Variants in VGF observed in about 807,000 individuals in gnomAD.
VGF encodes the protein VGF nerve growth factor inducible.
Under a neutral mutation model 41.1 loss-of-function variants are expected in VGF, and 13 were observed. The observed-to-expected ratio is 0.32, with a 90% CI of 0.21 to 0.50. VGF has a LOEUF of 0.50. VGF is among the 20% of genes least tolerant of loss of function. The pLI, the probability that VGF is intolerant of heterozygous loss-of-function variation, is 0.98. For synonymous variants in VGF, 473 were observed against 418.3 expected, an observed-to-expected ratio of 1.13 and a Z score of -1.60; for missense variants, 920 against 882.1, an observed-to-expected ratio of 1.04 and a Z score of -0.54.
Position 101,163,322 on chromosome 7 carries a change from G to T in VGF, c.1522C>A (p.Pro508Thr). Residue 508 changes from proline (P) to threonine (T), a missense_variant, in exon 2 of 2, where the codon CCC becomes ACC. Physicochemically the swap from Pro to Thr is conservative, Grantham distance 38 (BLOSUM62 -1). Transcript: ENST00000249330. This position sits in a 1 kb window ranked among gnomAD's most constrained non-coding sequence, Gnocchi z 5.0. ...PAPTHVRSPQ[P>T]PPPAPAPARD... ...GCGGGAGCGGGGGCGGGGGGCGGGG[G>T]CTGCGGGGAGCGGACGTGGGTGGGG... is the stretch of plus-strand genomic sequence containing the variant. 1 of 1,425,982 alleles carries T rather than the reference G, an allele frequency of 7.0e-7. No homozygotes were observed. Among genetic ancestry groups the T allele is most frequent in the Non-Finnish European group, 9.2e-7 (1 of 1,086,322 alleles). 88.3% of individuals were successfully genotyped at this position (1,425,982 alleles called of 1,614,324 possible).
At position 101,163,599 on chromosome 7, in the gene VGF, G is replaced by C. The variant is rs1470407048; in HGVS notation, c.1245C>G (p.Ala415=). 11 of 1,558,302 alleles carry C rather than the reference G, an allele frequency of 7.1e-6. No homozygotes were observed. The highest frequency in any genetic ancestry group is 9.5e-6 in the Non-Finnish European group (11 of 1,153,336). The stretch of plus-strand genomic sequence containing the variant: ...TCTCCTCCTGGGAGCGCTTGTCCTC[G>C]GCGCCGGCTTCCCCGTCCTCCTCCT... ...FAEEEDGEAG[A]EDKRSQEETP... Residue 415 remains alanine, a synonymous_variant, in exon 2 of 2, where the codon GCC becomes GCG. Transcript: ENST00000249330. This position sits in a 1 kb window ranked among gnomAD's most constrained non-coding sequence, Gnocchi z 5.0.
At position 101,163,674 on chromosome 7, in the gene VGF, TGCCTCCGCCTCG is replaced by T. The variant is rs1160421998; in HGVS notation, c.1158_1169del (p.Ala390_Glu393del). 9.8e-6 allele frequency: 15 copies of T among 1,537,842 alleles called. No individual in the cohort carries two copies. The highest frequency in any genetic ancestry group is 1.4e-5 in the African/African-American group (1 of 72,760). ...GCGCCCTCTCCGCCTCCTCCGCCTCTGCCTCCGCCTCGGCCGCCTCCTCATCCTCTTCCCCCA... is the reference window on the plus strand; with the variant it reads ...GCGCCCTCTCCGCCTCCTCCGCCTCTGCCGCCTCCTCATCCTCTTCCCCCA... On this transcript the variant is annotated inframe_deletion, in exon 2 of 2. Transcript: ENST00000249330. This position sits in a 1 kb window ranked among gnomAD's most constrained non-coding sequence, Gnocchi z 5.0.
intron 1 of VGF, 98 bp from the exon 2 acceptor site, chr7:101,164,961 G>A: frequency 2.1e-6 from 3 of 1,420,248 alleles, no homozygotes; most frequent in Non-Finnish European, 9.2e-7. Flanking sequence ...GAAACCCGGG[G>A]CTTCCCTGAT....
upstream of VGF, among the ~76,000 whole-genome samples, chr7:101,166,914 TGGGCAGGGAAGGG>T (rs1797229565): frequency 2.2e-5 from 1 of 45,416 alleles, no homozygotes; most frequent in Non-Finnish European, 4.4e-5. Flanking sequence ...TGCGGGGGCG[TGGGCAGGGAAGGG>T]GGGAATGACA....
rs928793428 is a variant in VGF at position 101,162,807 on chromosome 7, G to A, written c.*189C>T. 2 of 656,558 alleles carry A rather than the reference G, an allele frequency of 3.0e-6. No homozygotes were observed. The highest frequency in any genetic ancestry group is 5.6e-6 in the Non-Finnish European group (2 of 356,788). 40.7% of individuals were successfully genotyped at this position (656,558 alleles called of 1,614,324 possible). Reference sequence around the variant, plus strand: ...CTGGCCCCCGGTCACCCGCGGGTGAGCTCTGGGAGTTCGGGCTCAGGACCC... The same window carrying A: ...CTGGCCCCCGGTCACCCGCGGGTGAACTCTGGGAGTTCGGGCTCAGGACCC... On this transcript the variant is annotated 3_prime_UTR_variant, in exon 2 of 2. Coordinates refer to ENST00000249330, the MANE Select transcript of VGF (RefSeq NM_003378.4). The surrounding 1 kb of genome is among the most constrained non-coding windows in gnomAD (Gnocchi z 4.2).
chr7:101,164,981 C>T (rs1797195270), intron 1 of VGF, 118 bp from the exon 2 acceptor site: 1 of 1,397,890 alleles, frequency 7.2e-7, no homozygotes, highest in Non-Finnish European at 9.3e-7. Context: ...TCCCCCAAAC[C>T]TTACCCAGAA....
At chr7:101,165,701 C>G, upstream of VGF, 1 of 975,134 alleles carries the variant, frequency 1.0e-6, no homozygotes, top group Non-Finnish European at 1.2e-6. Flanking sequence ...GGACGCCCGA[C>G]GATTGGAGGG....
chr7:101,164,409 A>G lies in VGF; in HGVS notation c.435T>C (p.Asn145=), dbSNP rs199908448. 190 of 1,610,154 alleles carry G rather than the reference A, an allele frequency of 1.2e-4. No homozygotes were observed. Among genetic ancestry groups the G allele is most frequent in the Non-Finnish European group, 1.6e-4 (184 of 1,179,562 alleles). Residue 145 remains asparagine (N), a synonymous_variant, in exon 2 of 2, where the codon AAT becomes AAC. Coordinates refer to ENST00000249330, the MANE Select transcript of VGF (RefSeq NM_003378.4). ...CGGAGGGATCGCTCGCCTCGGGCCC[A>G]TTCTCCGGAGTCTGAGGGCGAGGCG... ...AAPPRPQTPE[N]GPEASDPSEE... is the part of the protein sequence containing the mutation.
rs759942748 is a variant in VGF at position 101,163,446 on chromosome 7, C to T, written c.1398G>A (p.Ala466=). 12 of 1,612,628 alleles carry T rather than the reference C, an allele frequency of 7.4e-6. No individual in the cohort carries two copies. Among genetic ancestry groups the T allele is most frequent in the African/African-American group, 6.7e-5 (5 of 74,892 alleles). ...IELSTKLHLP[A]DDVVSIIEEV... ...CCTCGATGATGCTGACCACGTCGTC[C>T]GCTGGCAGGTGGAGTTTGGTGGACA... Residue 466 remains alanine (A), a synonymous_variant, in exon 2 of 2, where the codon GCG becomes GCA. Coordinates refer to ENST00000249330, the MANE Select transcript of VGF (RefSeq NM_003378.4). The surrounding 1 kb of genome is among the most constrained non-coding windows in gnomAD (Gnocchi z 5.0).
Position 101,163,920 on chromosome 7 carries a change from C to A in VGF, c.924G>T (p.Arg308=). Reference sequence around the variant, plus strand: ...CCTGCCGCGTGGCCTCCGCCTGCCGCCGCCCGGCCTCCACCTGCGCCAGCC... The same window carrying A: ...CCTGCCGCGTGGCCTCCGCCTGCCGACGCCCGGCCTCCACCTGCGCCAGCC... The part of the protein sequence containing the change: ...QQGLAQVEAG[R]RQAEATRQAA... Residue 308 remains arginine, a synonymous_variant, in exon 2 of 2, where the codon CGG becomes CGT. Transcript: ENST00000249330. The surrounding 1 kb of genome is among the most constrained non-coding windows in gnomAD (Gnocchi z 5.0). 2 of 1,460,366 alleles carry A rather than the reference C, an allele frequency of 1.4e-6. No homozygotes were observed. The highest frequency in any genetic ancestry group is 1.4e-5 in the South Asian group (1 of 72,406). 90.5% of individuals were successfully genotyped at this position (1,460,366 alleles called of 1,614,324 possible). A position where few individuals can be genotyped will look rare whatever the true frequency, so the allele number is the denominator to read the frequency against.
chr7:101,163,061 G>GCTCCTC lies in VGF; in HGVS notation c.1777_1782dup (p.Glu593_Glu594dup). ...AGCTCCTCCTGCTCCTGCAGCCGGCGCTCCTCCGCCTCCGCCTCCTCCTGC... is the reference window on the plus strand; with the variant it reads ...AGCTCCTCCTGCTCCTGCAGCCGGCGCTCCTCCTCCTCCGCCTCCGCCTCCTCCTGC... On this transcript the variant is annotated inframe_insertion, in exon 2 of 2. Transcript: ENST00000249330. The surrounding 1 kb of genome is among the most constrained non-coding windows in gnomAD (Gnocchi z 5.0). The GCTCCTC allele has an allele frequency of 6.4e-7, 1 of 1,570,910 alleles. No homozygotes were observed. The highest frequency in any genetic ancestry group is 8.6e-7 in the Non-Finnish European group (1 of 1,163,322).
chr7:101,165,918 C>A (rs1797211949), upstream of VGF, among the ~76,000 whole-genome samples: 1 of 152,152 alleles, frequency 6.6e-6, no homozygotes, highest in East Asian at 1.9e-4. Flanking sequence ...GATGCAGAGG[C>A]GCTGGAAGGC....
upstream of VGF, among the ~76,000 whole-genome samples, chr7:101,169,016 C>A (rs182086921): frequency 6.6e-6 from 1 of 152,094 alleles, no homozygotes; most frequent in Non-Finnish European, 1.5e-5. Context: ...CTTGCCCTAT[C>A]CTCTCCCCAT....
rs755028529 is a variant in VGF, at chr7:101,164,774, G to T, written c.70C>A (p.Pro24Thr). Residue 24 changes from proline (P) to threonine (T), a missense_variant, in exon 2 of 2, where the codon CCC becomes ACC. Pro to Thr is a conservative substitution (Grantham distance 38). This residue lies in a region of VGF where 654 missense variants were observed against 638.4 expected (regional missense o/e 1.02). Transcript: ENST00000249330. The stretch of plus-strand genomic sequence containing the variant: ...GGCTGCGCCTCAGGGCGACCAGGGG[G>T]TGCTGCCCCTAACCCGTTGATCAGC... Reference protein sequence around the residue: ...LLLINGLGAAPPGRPEAQPPP... With the variant: ...LLLINGLGAATPGRPEAQPPP... 6 of 1,608,880 alleles carry T rather than the reference G, an allele frequency of 3.7e-6. No individual in the cohort carries two copies. The highest frequency in any genetic ancestry group is 2.2e-5 in the South Asian group (2 of 90,988).
chr7:101,163,259 G>A lies in VGF; in HGVS notation c.1585C>T (p.Pro529Ser). Reference sequence around the variant, plus strand: ...ACCTCGTCCTCCTCCCGATCCCAGGGCGGGAGCACCTCGTTCCAGTCCGGC... The same window carrying A: ...ACCTCGTCCTCCTCCCGATCCCAGGACGGGAGCACCTCGTTCCAGTCCGGC... The part of the protein sequence containing the change: ...ELPDWNEVLP[P>S]WDREEDEVYP... The change falls in exon 2 of 2, where the codon CCC becomes TCC. Residue 529 changes from proline (P) to serine (S), a missense_variant. By Grantham distance (74) the Pro-to-Ser change is moderately conservative (BLOSUM62 -1). Transcript: ENST00000249330. This position sits in a 1 kb window ranked among gnomAD's most constrained non-coding sequence, Gnocchi z 5.0. 6.6e-7 allele frequency: 1 copy of A among 1,512,392 alleles called. No individual in the cohort carries two copies. 93.7% of individuals were successfully genotyped at this position (1,512,392 alleles called of 1,614,324 possible). A position where few individuals can be genotyped will look rare whatever the true frequency, so the allele number is the denominator to read the frequency against.
In VGF at chr7:101,163,117, T is replaced by C; in HGVS notation, c.1727A>G (p.Tyr576Cys). 2 of 1,582,938 alleles carry C rather than the reference T, an allele frequency of 1.3e-6. No individual in the cohort carries two copies. Among genetic ancestry groups the C allele is most frequent in the Non-Finnish European group, 8.6e-7 (1 of 1,167,866 alleles). ...CCGCGCCTGGGCCTCCCGGCCGGGA[T>C]AGTGGCGCGAAGGCGGCAAGGCGTG... Reference protein sequence around the residue: ...YHHALPPSRHYPGREAQARRA... With the variant: ...YHHALPPSRHCPGREAQARRA... Residue 576 changes from tyrosine to cysteine, a missense_variant, in exon 2 of 2, where the codon TAT (tyrosine) becomes TGT (cysteine). Physicochemically the swap from Tyr to Cys is radical, Grantham distance 194. Around this residue, in one of 3 missense-constraint regions of VGF, gnomAD observed 257 missense variants for 217.2 expected, o/e 1.18. Coordinates refer to ENST00000249330, the MANE Select transcript of VGF (RefSeq NM_003378.4). This position sits in a 1 kb window ranked among gnomAD's most constrained non-coding sequence, Gnocchi z 5.0.
In VGF at chr7:101,164,822, C is replaced by A. The variant is rs755523412; in HGVS notation, c.22G>T (p.Ala8Ser). The A allele has an allele frequency of 6.4e-7, 1 of 1,565,620 alleles. No homozygotes were observed. Among genetic ancestry groups the A allele is most frequent in the Admixed American group, 1.9e-5 (1 of 51,828 alleles). The change falls in exon 2 of 2, where the codon GCT becomes TCT. Residue 8 changes from alanine (A) to serine (S), a missense_variant. Coordinates refer to ENST00000249330, the MANE Select transcript of VGF (RefSeq NM_003378.4). ...AGCAGAAGGCAGAAGAGGGCGGAAG[C>A]CGACAATCTGAGGGCTTTCATGACC... MKALRLS[A>S]SALFCLLLIN...
At position 101,163,983 on chromosome 7, in the gene VGF, C is replaced by T. The variant is rs1797168140; in HGVS notation, c.861G>A (p.Leu287=). 6.8e-7 allele frequency: 1 copy of T among 1,472,608 alleles called. No homozygotes were observed. The highest frequency in any genetic ancestry group is 2.7e-5 in the Admixed American group (1 of 36,734). 91.2% of individuals were successfully genotyped at this position (1,472,608 alleles called of 1,614,324 possible). A position where few individuals can be genotyped will look rare whatever the true frequency, so the allele number is the denominator to read the frequency against. ...PKARRPESAL[L]GGSEAGERLL... is the part of the protein sequence containing the mutation. ...GGCGCTCGCCCGCCTCGGAGCCGCCCAGGAGTGCGCTCTCCGGCCGGCGCG... is the reference window on the plus strand; with the variant it reads ...GGCGCTCGCCCGCCTCGGAGCCGCCTAGGAGTGCGCTCTCCGGCCGGCGCG... Residue 287 remains leucine, a synonymous_variant, in exon 2 of 2, where the codon CTG becomes CTA. Coordinates refer to ENST00000249330, the MANE Select transcript of VGF (RefSeq NM_003378.4). This position sits in a 1 kb window ranked among gnomAD's most constrained non-coding sequence, Gnocchi z 5.0.
rs3216811 is a variant in VGF at position 101,165,155 on chromosome 7, GA to G, written c.-21+218del. ...CGTACTAAGCAGCAGCAATATGGGGGAAAAAAAAATCTCTGCTCCCTCCCCG... is the reference window on the plus strand; with the variant it reads ...CGTACTAAGCAGCAGCAATATGGGGGAAAAAAAATCTCTGCTCCCTCCCCG... On this transcript the variant is annotated intron_variant, in intron 1 of 1. Transcript: ENST00000249330. 5.1e-3 allele frequency: 5,528 copies of G among 1,086,172 alleles called. 196 individuals carry two copies. The African/African-American group carries it at 0.081, about 16-fold the overall frequency. The allele number at this position is 1,086,172 out of a possible 1,614,324, so 67.3% of individuals were successfully genotyped here. A position where few individuals can be genotyped will look rare whatever the true frequency, so the allele number is the denominator to read the frequency against.
Sources: allele counts gnomAD v4.1 joint callset (sites outside exome capture counted in the v4.1 genomes callset), GRCh38; gene constraint gnomAD v4.1.1; regional missense constraint gnomAD v4.1.1; non-coding constraint Gnocchi (gnomAD v3.1); transcripts MANE v1.5; gene names NCBI Gene and HGNC (gene_info 2026-07-23, HGNC 2026-07-21).